Variants in BBX observed in about 807,000 individuals in gnomAD.
The protein encoded by BBX is BBX high mobility group box domain containing.
Under a neutral mutation model 100.2 loss-of-function variants are expected in BBX, and 30 were observed. The ratio of observed to expected loss-of-function variants is 0.30; its 90% confidence interval spans 0.22 to 0.41. BBX has a LOEUF of 0.41. Ranked by LOEUF, BBX falls within the 10% of genes least tolerant of loss-of-function variation. The pLI is 1.00. For synonymous variants in BBX, 376 were observed against 388.1 expected (o/e 0.97, Z 0.37); for missense variants, 1,023 against 1,129.8 (o/e 0.91, Z 1.35).
chr3:107,785,989 A>T (rs2068379494), intron 13 of BBX, among the ~76,000 whole-genome samples: 1 of 152,134 alleles, frequency 6.6e-6, no homozygotes, highest in Non-Finnish European at 1.5e-5. Context: ...GCTGCAGGTT[A>T]TAAGGTCATT....
At chr3:107,562,308 G>A (rs1161906354) in intron 2 of BBX, among the ~76,000 whole-genome samples, 5 of 152,142 alleles carry the variant, frequency 3.3e-5, no homozygotes, top group East Asian at 3.8e-4. Context: ...GGGAAGTTTC[G>A]CTTTACTCAA....
intron 2 of BBX, among the ~76,000 whole-genome samples, chr3:107,621,309 A>G (rs2055750020): frequency 6.6e-6 from 1 of 152,030 alleles, no homozygotes; most frequent in African/African-American, 2.4e-5. Context: ...AATCCAGGAA[A>G]CGTACCACTG....
chr3:107,562,818 G>A (rs984812759), intron 2 of BBX, among the ~76,000 whole-genome samples: 2 of 152,240 alleles, frequency 1.3e-5, no homozygotes, highest in African/African-American at 2.4e-5. Context: ...ATGAATTAAC[G>A]TGCTTCAGAC....
chr3:107,794,500 G>A (rs1009015008), intron 15 of BBX, among the ~76,000 whole-genome samples: 17 of 151,934 alleles, frequency 1.1e-4, no homozygotes, highest in Admixed American at 9.2e-4. Context: ...TCTTTGCAGT[G>A]TATAAATCTA....
At chr3:107,629,699 C>G (rs2056428797) in intron 2 of BBX, among the ~76,000 whole-genome samples, 2 of 152,126 alleles carry the variant, frequency 1.3e-5, no homozygotes, top group South Asian at 4.1e-4. Context: ...TTTTGCCCTC[C>G]TCTTGCAGCC....
chr3:107,628,836 A>C (rs1316003960), intron 2 of BBX, among the ~76,000 whole-genome samples: 1 of 152,146 alleles, frequency 6.6e-6, no homozygotes, highest in Non-Finnish European at 1.5e-5. Flanking sequence ...ATGGGAACTT[A>C]TAGGGGTGAG....
At chr3:107,688,702 C>CCAA (rs2059987378) in intron 3 of BBX, among the ~76,000 whole-genome samples, 2 of 152,162 alleles carry the variant, frequency 1.3e-5, no homozygotes, top group African/African-American at 4.8e-5. Context: ...TTTTATCTCA[C>CCAA]CAACAAGTTC....
chr3:107,691,897 T>G (rs1258674421), intron 3 of BBX, among the ~76,000 whole-genome samples: 7 of 152,172 alleles, frequency 4.6e-5, no homozygotes, highest in African/African-American at 1.7e-4. Context: ...CTACTTAAAA[T>G]AAGAAATACG....
At chr3:107,546,188 G>A (rs2049226338) in intron 2 of BBX, among the ~76,000 whole-genome samples, 1 of 152,146 alleles carries the variant, frequency 6.6e-6, no homozygotes, top group Non-Finnish European at 1.5e-5. Flanking sequence ...TGTGCCTTCT[G>A]AAGATCTAAG....
chr3:107,569,890 A>G (rs764324861), intron 2 of BBX, among the ~76,000 whole-genome samples: 4 of 152,208 alleles, frequency 2.6e-5, no homozygotes, highest in South Asian at 4.1e-4. Context: ...GTGATTGGGC[A>G]GCGTCAGTCT....
In BBX at chr3:107,591,252, AAGCAAACTT is replaced by A. The variant is rs2053284679; in HGVS notation, c.-83-54581_-83-54573del. On this transcript the variant is annotated intron_variant, in intron 2 of 17. Transcript: ENST00000325805. ...AACTGTAATGCCCATCTGAAGAAAA[AAGCAAACTT>A]AGATAAGTTTTCCAATAAGCTCCTT... Among the ~76,000 whole-genome samples the A allele has an allele frequency of 3.3e-5, 5 of 152,310 alleles. No individual in the cohort carries two copies. The South Asian group carries it at 1.0e-3, about 32-fold the overall frequency.
intron 2 of BBX, among the ~76,000 whole-genome samples, chr3:107,580,639 T>G (rs935947116): frequency 6.6e-6 from 1 of 151,694 alleles, no homozygotes; most frequent in African/African-American, 2.4e-5. Flanking sequence ...TCAATTTTTT[T>G]TTTTAATTGA....
At chr3:107,789,335 T>A (rs1418581199) in intron 13 of BBX, among the ~76,000 whole-genome samples, 1 of 152,240 alleles carries the variant, frequency 6.6e-6, no homozygotes, top group Non-Finnish European at 1.5e-5. Flanking sequence ...CAGAAAGCTA[T>A]CTAATGCTGT....
chr3:107,714,302 A>G (rs977965635), intron 4 of BBX, among the ~76,000 whole-genome samples: 21 of 152,084 alleles, frequency 1.4e-4, no homozygotes, highest in African/African-American at 4.6e-4. Context: ...AGCTCAGGCA[A>G]CCTTTTCCAG....
intron 16 of BBX, among the ~76,000 whole-genome samples, chr3:107,798,940 G>A (rs1167507376): frequency 6.6e-6 from 1 of 151,626 alleles, no homozygotes; most frequent in Non-Finnish European, 1.5e-5. Flanking sequence ...CATGAGGTCA[G>A]GAGATCGAGA....
Position 107,755,615 on chromosome 3 carries a change from G to T in BBX, c.843G>T (p.Ser281=). The T allele has an allele frequency of 1.9e-6, 3 of 1,613,680 alleles. No individual in the cohort carries two copies. Among genetic ancestry groups the T allele is most frequent in the African/African-American group, 1.3e-5 (1 of 74,976 alleles). Residue 281 remains serine, a synonymous_variant, in exon 10 of 18, where the codon TCG becomes TCT. Coordinates refer to ENST00000325805, the MANE Select transcript of BBX (RefSeq NM_001142568.3). ...FQFAEISSNT[S]QLGGAEPVKR... is the part of the protein sequence containing the mutation. ...TAATATAGATTTCTTCAAACACTTCGCAGTTGGGTGGTGCTGAGCCTGTAA... is the reference window on the plus strand; with the variant it reads ...TAATATAGATTTCTTCAAACACTTCTCAGTTGGGTGGTGCTGAGCCTGTAA...
At chr3:107,770,522 A>C (rs544801236) in intron 10 of BBX, among the ~76,000 whole-genome samples, 6 of 152,356 alleles carry the variant, frequency 3.9e-5, no homozygotes, top group African/African-American at 1.4e-4. Context: ...TTCTCCCATA[A>C]GAGTAAAACA....
At chr3:107,727,136 A>G (rs888531709) in intron 5 of BBX, among the ~76,000 whole-genome samples, 4 of 152,140 alleles carry the variant, frequency 2.6e-5, no homozygotes, top group Non-Finnish European at 2.9e-5. Flanking sequence ...CATGACAAAT[A>G]TGTTAATCAA....
intron 5 of BBX, among the ~76,000 whole-genome samples, chr3:107,725,322 G>A (rs2062840882): frequency 6.6e-6 from 1 of 152,064 alleles, no homozygotes; most frequent in Non-Finnish European, 1.5e-5. Flanking sequence ...AGACAATGGG[G>A]TTTTCTAGAT....
Sources: gnomAD v4.1 joint callset for allele counts (sites outside exome capture counted in the v4.1 genomes callset) on GRCh38, gnomAD v4.1.1 for gene constraint, MANE v1.5 for transcripts, NCBI Gene and HGNC (gene_info 2026-07-23, HGNC 2026-07-21) for gene names.